BRD10: variants seen among roughly 807,000 people sequenced by gnomAD.
BRD10 encodes the protein bromodomain containing 10.
At chr9:5,925,972 G>C in the BRD10 span, among the ~76,000 whole-genome samples, 7 of 151,944 alleles carry the variant, frequency 4.6e-5, no homozygotes, top group African/African-American at 1.5e-4. Flanking sequence ...GATTGGAGTG[G>C]AGTGGCACAA....
the BRD10 span, among the ~76,000 whole-genome samples, chr9:5,893,283 G>A: frequency 6.6e-6 from 1 of 152,176 alleles, no homozygotes; most frequent in Non-Finnish European, 1.5e-5. Context: ...GACATACTCT[G>A]TACGTGCTGG....
the BRD10 span, among the ~76,000 whole-genome samples, chr9:5,928,768 C>T: frequency 2.0e-5 from 3 of 152,156 alleles, no homozygotes; most frequent in East Asian, 1.9e-4. Flanking sequence ...TCTTAACCCC[C>T]TTACCTTGCT....
chr9:5,909,782 C>A, the BRD10 span: 1 of 152,190 alleles, frequency 6.6e-6, no homozygotes, highest in Admixed American at 6.5e-5. Flanking sequence ...ATCCCTCTCA[C>A]AAGAATGTGC....
the BRD10 span, chr9:5,924,653 C>G: frequency 0.012 from 17,364 of 1,490,070 alleles, 795 homozygotes; most frequent in African/African-American, 0.1. Flanking sequence ...AAGTTTAATG[C>G]TTACCTGAAT....
the BRD10 span, among the ~76,000 whole-genome samples, chr9:5,978,168 T>C: frequency 4.6e-5 from 7 of 152,336 alleles, no homozygotes; most frequent in South Asian, 1.4e-3. Flanking sequence ...GGCTGTGGCA[T>C]GTTTGCCTGT....
the BRD10 span, among the ~76,000 whole-genome samples, chr9:5,951,239 C>G: frequency 1.4e-3 from 209 of 151,828 alleles, no homozygotes; most frequent in Middle Eastern, 3.4e-3. Context: ...GGGGCAAGTT[C>G]AAGTTCTAGC....
At chr9:5,953,911 A>G in the BRD10 span, 1 of 700,048 alleles carries the variant, frequency 1.4e-6, no homozygotes, top group East Asian at 2.8e-5. Flanking sequence ...TTTCATTACA[A>G]GTAAGTGTGC....
At chr9:5,972,617 C>T in the BRD10 span, among the ~76,000 whole-genome samples, 1 of 152,188 alleles carries the variant, frequency 6.6e-6, no homozygotes, top group South Asian at 2.1e-4. Flanking sequence ...CCTTCCTCCT[C>T]TCTCTTGTTA....
the BRD10 span, chr9:5,920,508 G>T: frequency 6.2e-7 from 1 of 1,613,952 alleles, no homozygotes; most frequent in Admixed American, 1.7e-5. Context: ...TGCTGATTTG[G>T]CAGAGAAGCA....
At chr9:5,922,120 T>C in the BRD10 span, 16 of 1,614,008 alleles carry the variant, frequency 9.9e-6, no homozygotes, top group Admixed American at 1.8e-4. Flanking sequence ...TCTGTACTTT[T>C]ACAACTCCAG....
chr9:5,881,586 A>G, the BRD10 span: 3 of 152,172 alleles, frequency 2.0e-5, no homozygotes, highest in Non-Finnish European at 4.4e-5. Context: ...CCTCTGGAAC[A>G]CCGTGCTTGG....
At chr9:5,883,409 G>T in the BRD10 span, among the ~76,000 whole-genome samples, 147,685 of 151,098 alleles carry the variant, frequency 0.98, 72,279 homozygotes, top group Non-Finnish European at 0.99. Context: ...GGTCATCCAT[G>T]AATTCTTGCT....
At chr9:5,998,268 T>C in the BRD10 span, among the ~76,000 whole-genome samples, 1 of 133,524 alleles carries the variant, frequency 7.5e-6, no homozygotes, top group Non-Finnish European at 1.6e-5. Flanking sequence ...TACTGTTCTA[T>C]TATTGCCCCA....
chr9:5,963,704 G>C, the BRD10 span, among the ~76,000 whole-genome samples: 2 of 152,116 alleles, frequency 1.3e-5, no homozygotes, highest in African/African-American at 2.4e-5. Flanking sequence ...TACCAAAACA[G>C]AGATATAGAT....
the BRD10 span, among the ~76,000 whole-genome samples, chr9:5,890,161 G>T: frequency 1.3e-5 from 2 of 152,168 alleles, no homozygotes; most frequent in African/African-American, 4.8e-5. Flanking sequence ...TCCTTTTGTG[G>T]GTCATAAGCG....
chr9:5,879,750 T>C, the BRD10 span, among the ~76,000 whole-genome samples: 1 of 152,184 alleles, frequency 6.6e-6, no homozygotes, highest in Non-Finnish European at 1.5e-5. Context: ...CTGACTCACA[T>C]GGTCAGCCTC....
the BRD10 span, among the ~76,000 whole-genome samples, chr9:5,895,146 G>A: frequency 6.6e-6 from 1 of 152,162 alleles, no homozygotes; most frequent in East Asian, 1.9e-4. Flanking sequence ...CTGTAGAAGG[G>A]TCAGATGGCC....
At chr9:5,972,324 A>G in the BRD10 span, among the ~76,000 whole-genome samples, 1 of 152,270 alleles carries the variant, frequency 6.6e-6, no homozygotes, top group Admixed American at 6.5e-5. Flanking sequence ...AAAATGACAA[A>G]GCAGTTTTGA....
the BRD10 span, among the ~76,000 whole-genome samples, chr9:5,928,396 C>T: frequency 6.6e-6 from 1 of 152,134 alleles, no homozygotes; most frequent in African/African-American, 2.4e-5. Context: ...CAAATCATGT[C>T]CCTTCCCTGC....
Sources: gnomAD v4.1 joint callset for allele counts (sites outside exome capture counted in the v4.1 genomes callset) on GRCh38, gnomAD v4.1.1 for gene constraint, MANE v1.5 for transcripts, NCBI Gene and HGNC (gene_info 2026-07-23, HGNC 2026-07-21) for gene names.